DCLRE1C: variants seen among roughly 807,000 people sequenced by gnomAD.
The protein encoded by DCLRE1C is DNA cross-link repair 1C.
DCLRE1C carries 47 observed loss-of-function variants against 61.4 expected under a neutral mutation model. The ratio of observed to expected loss-of-function variants is 0.77; its 90% CI spans 0.61 to 0.98. The LOEUF (loss-of-function observed/expected upper bound fraction) is 0.98. Among genes scored for constraint, DCLRE1C ranks in the 50% least tolerant of loss-of-function variants. The pLI is 0.00. For missense variants in DCLRE1C, 858 were observed against 816.0 expected, an observed-to-expected ratio of 1.05 and a Z score of -0.63; for synonymous variants, 337 against 287.6, an observed-to-expected ratio of 1.17 and a Z score of -1.74.
At chr10:14,943,316 A>C (rs113530221) in intron 3 of DCLRE1C, among the ~76,000 whole-genome samples, 1 of 151,646 alleles carries the variant, frequency 6.6e-6, no homozygotes, top group East Asian at 1.9e-4. Flanking sequence ...TATTTTGTCA[A>C]TTGCACATAC....
chr10:14,934,085 T>C (rs1213095320), intron 8 of DCLRE1C, among the ~76,000 whole-genome samples: 1 of 152,000 alleles, frequency 6.6e-6, no homozygotes, highest in Admixed American at 6.6e-5. Flanking sequence ...CCCAGCACTT[T>C]AGGAGGCCGA....
chr10:14,927,178 T>C (rs41298890), intron 10 of DCLRE1C, among the ~76,000 whole-genome samples: 52 of 152,212 alleles, frequency 3.4e-4, no homozygotes, highest in Non-Finnish European at 6.2e-4. Flanking sequence ...GCTCAGGAGT[T>C]CGAGACCAGC....
chr10:14,937,494 G>C (rs1014875184), intron 4 of DCLRE1C, among the ~76,000 whole-genome samples: 1 of 151,948 alleles, frequency 6.6e-6, no homozygotes, highest in Admixed American at 6.6e-5. Flanking sequence ...ATGTTCGCCA[G>C]GCCAGTCTTG....
chr10:14,907,121 A>G lies in DCLRE1C; in HGVS notation c.*1287T>C, dbSNP rs41300698. 0.019 allele frequency among the ~76,000 whole-genome samples: 2,944 copies of G among 152,074 alleles called. 111 individuals carry two copies. Among genetic ancestry groups the G allele is most frequent in the African/African-American group, 0.066 (2,754 of 41,454 alleles). The stretch of plus-strand genomic sequence containing the variant: ...CAAGCGAGCCTCCCAAAGTACTGGG[A>G]TTGCAGGCAGGAGTTACTGTGCCTG... On this transcript the variant is annotated 3_prime_UTR_variant, in exon 14 of 14. Transcript: ENST00000378278.
chr10:14,941,222 G>A (rs1840800971), intron 3 of DCLRE1C, among the ~76,000 whole-genome samples: 1 of 152,180 alleles, frequency 6.6e-6, no homozygotes, highest in Non-Finnish European at 1.5e-5. Flanking sequence ...TCCCTTCAAG[G>A]ACAAATTTAG....
intron 13 of DCLRE1C, among the ~76,000 whole-genome samples, chr10:14,913,603 C>T (rs529086823): frequency 6.6e-6 from 1 of 152,270 alleles, no homozygotes; most frequent in East Asian, 1.9e-4. Flanking sequence ...TCTGTATCCA[C>T]AGGTTCCACA....
At chr10:14,923,147 G>A (rs1366177119) in intron 11 of DCLRE1C, 78 bp from the exon 12 acceptor site, 4 of 1,115,028 alleles carry the variant, frequency 3.6e-6, no homozygotes, top group Non-Finnish European at 5.4e-6. Context: ...GGAGGCTGGG[G>A]AAAGAGAAGC....
Position 14,907,430 on chromosome 10 carries a change from A to C in DCLRE1C, c.*978T>G, listed in dbSNP as rs1236390392. Among the ~76,000 whole-genome samples, 1 of 151,896 alleles carries C rather than the reference A, an allele frequency of 6.6e-6. No homozygotes were observed. Among genetic ancestry groups the C allele is most frequent in the Non-Finnish European group, 1.5e-5 (1 of 67,986 alleles). ...TGTTCTATAAATGTCAATTTAATCC[A>C]GTCGGCTTATGATTTTCAGTTCTAT... On this transcript the variant is annotated 3_prime_UTR_variant, in exon 14 of 14. Coordinates refer to ENST00000378278, the MANE Select transcript of DCLRE1C (RefSeq NM_001033855.3).
intron 10 of DCLRE1C, among the ~76,000 whole-genome samples, chr10:14,927,150 C>T (rs1312781359): frequency 2.0e-5 from 3 of 152,078 alleles, no homozygotes; most frequent in Non-Finnish European, 4.4e-5. Context: ...GGGAGGCCGA[C>T]GCGTACGGAT....
intron 2 of DCLRE1C, among the ~76,000 whole-genome samples, chr10:14,948,769 ATTATATAT>A (rs1271642295): frequency 2.4e-5 from 3 of 123,104 alleles, no homozygotes; most frequent in African/African-American, 1.1e-4. Context: ...ATTTGGTAGG[ATTATATAT>A]ATATATATAT....
chr10:14,942,154 C>A (rs1410410476), intron 3 of DCLRE1C: 1 of 152,332 alleles, frequency 6.6e-6, no homozygotes, highest in African/African-American at 2.4e-5. Flanking sequence ...GCCGCAGCAA[C>A]ATCAGCTTCT....
At position 14,930,278 on chromosome 10, in the gene DCLRE1C, C is replaced by CT. The variant is rs60565089; in HGVS notation, c.781-2127dup. On this transcript the variant is annotated intron_variant, in intron 9 of 13. Transcript: ENST00000378278. ...AGGCATGCACCACCACACTCAGCAC[C>CT]TTTTTTTTTTTTTTTTTTTTTTTTT... Among the ~76,000 whole-genome samples the CT allele has an allele frequency of 3.1e-3, 263 of 85,744 alleles. 7 individuals carry two copies. The highest frequency in any genetic ancestry group is 4.2e-3 in the African/African-American group (81 of 19,202). The allele number at this position is 85,744 out of a possible 152,430, so 56.3% of individuals were successfully genotyped here. A position where few individuals can be genotyped will look rare whatever the true frequency, so the allele number is the denominator to read the frequency against.
At chr10:14,899,043 A>T in exon 14 of DCLRE1C, 1 of 583,758 alleles carries the variant, frequency 1.7e-6, no homozygotes, top group South Asian at 2.2e-5. Context: ...TTAAAAAGTC[A>T]TAAATCAACC....
intron 1 of DCLRE1C, among the ~76,000 whole-genome samples, chr10:14,951,841 C>T (rs532293656): frequency 1.3e-5 from 2 of 152,146 alleles, no homozygotes; most frequent in Non-Finnish European, 2.9e-5. Context: ...CAAATACAGT[C>T]GCTTTGGGGG....
At position 14,908,705 on chromosome 10, in the gene DCLRE1C, A is replaced by C. The variant is rs775980446; in HGVS notation, c.1782T>G (p.Asn594Lys). 5.6e-6 allele frequency: 9 copies of C among 1,614,156 alleles called. No individual in the cohort carries two copies. In the Admixed American group the frequency reaches 6.7e-5, roughly 12 times the overall value. The stretch of plus-strand genomic sequence containing the variant: ...AGTAAGTATCCTTTGGGCAAATTAC[A>C]TTTTGTTCCATGAGAGAGGCAGGAA... ...ENIPASLMEQ[N>K]VICPKDTYSD... The change falls in exon 14 of 14, where the codon AAT becomes AAG. Residue 594 changes from asparagine (N) to lysine (K), a missense_variant. Transcript: ENST00000378278.
At chr10:14,901,756 G>A (rs1834036396), downstream of DCLRE1C, among the ~76,000 whole-genome samples, 2 of 151,880 alleles carry the variant, frequency 1.3e-5, no homozygotes, top group African/African-American at 2.4e-5. Flanking sequence ...GCTTGAGACA[G>A]GGAGGTTGGG....
upstream of DCLRE1C, chr10:14,954,236 A>G (rs910733368): frequency 1.5e-6 from 1 of 665,554 alleles, no homozygotes; most frequent in Non-Finnish European, 2.6e-6. Flanking sequence ...GCTTCGCTGC[A>G]CGCGATGGGC....
chr10:14,936,448 C>T (rs1839935769), intron 5 of DCLRE1C, 90 bp downstream of exon 5: 5 of 996,014 alleles, frequency 5.0e-6, no homozygotes, highest in Non-Finnish European at 6.2e-6. Flanking sequence ...GCACCCAGCC[C>T]CCTATTAATT....
rs1232053467 is a variant in DCLRE1C at position 14,906,913 on chromosome 10, T to C, written c.*1495A>G. 2.6e-5 allele frequency among the ~76,000 whole-genome samples: 4 copies of C among 152,202 alleles called. No individual in the cohort carries two copies. The highest frequency in any genetic ancestry group is 2.0e-4 in the Admixed American group (3 of 15,274). ...TATTTTTCTTGAGATGGGGTCTTGC[T>C]TTGTTGCCCAGGCTGGGCACAATCA... On this transcript the variant is annotated 3_prime_UTR_variant, in exon 14 of 14. Transcript: ENST00000378278.
Sources: gnomAD v4.1 joint callset for allele counts (sites outside exome capture counted in the v4.1 genomes callset) on GRCh38, gnomAD v4.1.1 for gene constraint, MANE v1.5 for transcripts, NCBI Gene and HGNC (gene_info 2026-07-23, HGNC 2026-07-21) for gene names.